The following THSD7B variants were observed in gnomAD, a reference collection of about 807,000 sequenced individuals.
The protein encoded by THSD7B is thrombospondin type-1 domain-containing protein 7B.
THSD7B carries 138 observed loss-of-function variants against 213.6 expected under a neutral mutation model. That is an observed-to-expected ratio of 0.65 (90% CI 0.56 to 0.74). The LOEUF (loss-of-function observed/expected upper bound fraction) is 0.74. THSD7B is among the 30% of genes least tolerant of loss of function. The pLI is 0.00. For synonymous variants in THSD7B, 742 were observed against 687.0 expected (o/e 1.08, Z -1.25); for missense variants, 1,931 against 1,991.5 (o/e 0.97, Z 0.58).
intron 10 of THSD7B, among the ~76,000 whole-genome samples, chr2:137,270,842 A>G (rs548921059): frequency 1.8e-4 from 27 of 152,314 alleles, no homozygotes; most frequent in African/African-American, 6.3e-4. Context: ...TTACTGCAGA[A>G]AGTCAATAGG....
At chr2:137,157,446 G>T (rs80078627) in intron 5 of THSD7B, among the ~76,000 whole-genome samples, 1,987 of 152,258 alleles carry the variant, frequency 0.013, 35 homozygotes, top group African/African-American at 0.046. Context: ...CAAAGCCGGG[G>T]CTGTTTTGGC....
intron 1 of THSD7B, among the ~76,000 whole-genome samples, chr2:136,802,388 A>G (rs1055905231): frequency 6.6e-6 from 1 of 151,820 alleles, no homozygotes; most frequent in Non-Finnish European, 1.5e-5. Flanking sequence ...GAGCCAGCAT[A>G]TTTTGGCCAA....
chr2:137,436,675 T>C (rs1286463739), intron 14 of THSD7B, among the ~76,000 whole-genome samples: 2 of 152,208 alleles, frequency 1.3e-5, no homozygotes, highest in Non-Finnish European at 2.9e-5. Context: ...TGTGCCACAG[T>C]ATGATTACTA....
intron 17 of THSD7B, among the ~76,000 whole-genome samples, chr2:137,575,338 CAT>C (rs1234223165): frequency 1.3e-5 from 2 of 152,044 alleles, no homozygotes; most frequent in Non-Finnish European, 2.9e-5. Context: ...GGGAGCAGTA[CAT>C]TTTTTAAGCT....
At position 136,859,766 on chromosome 2, in the gene THSD7B, G is replaced by C. The variant is rs188843172; in HGVS notation, c.-35-22378G>C. Among the ~76,000 whole-genome samples the C allele has an allele frequency of 3.7e-3, 563 of 152,296 alleles. 3 individuals carry two copies. The highest frequency in any genetic ancestry group is 0.013 in the African/African-American group (540 of 41,566). Reference sequence around the variant, plus strand: ...TAAGTTCTTTGGCATTTTTTAAAAAGAGAAGTAGTATAGCCCCAAAAGAGC... The same window carrying C: ...TAAGTTCTTTGGCATTTTTTAAAAACAGAAGTAGTATAGCCCCAAAAGAGC... On this transcript the variant is annotated intron_variant, in intron 1 of 27. Transcript: ENST00000409968.
At chr2:137,234,102 C>G (rs1421252860) in intron 9 of THSD7B, among the ~76,000 whole-genome samples, 1 of 152,172 alleles carries the variant, frequency 6.6e-6, no homozygotes, top group Non-Finnish European at 1.5e-5. Context: ...TTGCCACAGA[C>G]AGGGTCAAGT....
chr2:137,008,468 G>A (rs1686158708), intron 2 of THSD7B, among the ~76,000 whole-genome samples: 1 of 152,142 alleles, frequency 6.6e-6, no homozygotes, highest in Non-Finnish European at 1.5e-5. Flanking sequence ...TACCTGTTAG[G>A]AAAATTGAAT....
At chr2:137,333,326 T>A (rs1684557139) in intron 12 of THSD7B, among the ~76,000 whole-genome samples, 1 of 152,224 alleles carries the variant, frequency 6.6e-6, no homozygotes, top group Non-Finnish European at 1.5e-5. Flanking sequence ...AATGATCTCT[T>A]ATGTATGGAA....
intron 13 of THSD7B, among the ~76,000 whole-genome samples, chr2:137,410,049 G>T (rs1686617180): frequency 6.6e-6 from 1 of 152,096 alleles, no homozygotes. Flanking sequence ...TTTTATGGAA[G>T]TTTGAAAAAA....
chr2:137,643,646 T>C (rs1333195674), intron 21 of THSD7B, among the ~76,000 whole-genome samples: 3 of 152,230 alleles, frequency 2.0e-5, no homozygotes, highest in South Asian at 2.1e-4. Context: ...TTGTTTGGAC[T>C]CACTTACAAA....
chr2:137,321,674 T>C (rs1181675852), intron 12 of THSD7B, among the ~76,000 whole-genome samples: 3 of 152,226 alleles, frequency 2.0e-5, no homozygotes, highest in African/African-American at 7.2e-5. Context: ...CTGAAATATA[T>C]GCAAAGTGGT....
At chr2:137,308,336 A>G (rs1213086105) in intron 12 of THSD7B, among the ~76,000 whole-genome samples, 1 of 151,976 alleles carries the variant, frequency 6.6e-6, no homozygotes, top group Non-Finnish European at 1.5e-5. Flanking sequence ...AGACCAGCTT[A>G]TTGTCTGATT....
chr2:137,058,746 T>C (rs950683049), intron 3 of THSD7B, among the ~76,000 whole-genome samples: 3 of 152,210 alleles, frequency 2.0e-5, no homozygotes, highest in African/African-American at 7.2e-5. Flanking sequence ...TATGTCGTGA[T>C]GATGCAGTTC....
At chr2:137,030,412 G>A (rs1686643681) in intron 2 of THSD7B, among the ~76,000 whole-genome samples, 1 of 152,138 alleles carries the variant, frequency 6.6e-6, no homozygotes, top group South Asian at 2.1e-4. Context: ...GTAGGCACGA[G>A]TTTAGGCTGT....
intron 17 of THSD7B, among the ~76,000 whole-genome samples, chr2:137,580,968 T>C (rs756211144): frequency 1.3e-5 from 2 of 152,124 alleles, no homozygotes; most frequent in African/African-American, 2.4e-5. Flanking sequence ...ACCTTCAACA[T>C]TGGGGATTAC....
intron 12 of THSD7B, among the ~76,000 whole-genome samples, chr2:137,369,692 A>T (rs1238925949): frequency 1.3e-5 from 2 of 152,102 alleles, no homozygotes; most frequent in Non-Finnish European, 2.9e-5. Flanking sequence ...CTCATCTCTC[A>T]TTACAAGCAA....
intron 15 of THSD7B, among the ~76,000 whole-genome samples, chr2:137,463,379 T>TC (rs1276368859): frequency 6.6e-6 from 1 of 152,134 alleles, no homozygotes; most frequent in Non-Finnish European, 1.5e-5. Flanking sequence ...TACCATATTT[T>TC]AAAATCTTGT....
At position 137,620,629 on chromosome 2, in the gene THSD7B, G is replaced by A; in HGVS notation, c.3702G>A (p.Gln1234=). The change falls in exon 20 of 28, where the codon CAG becomes CAA. Residue 1234 remains glutamine (Q), a synonymous_variant. Transcript: ENST00000409968. ...QCEQHNLEKP[Q]RMSIPCLVEC... is the part of the protein sequence containing the mutation. ...TGCAGCATAATTTGGAGAAGCCCCA[G>A]AGAATGAGCATTCCCTGCTTGGTGG... 6.2e-7 allele frequency: 1 copy of A among 1,613,880 alleles called. No homozygotes were observed. Among genetic ancestry groups the A allele is most frequent in the Non-Finnish European group, 8.5e-7 (1 of 1,179,792 alleles).
At chr2:137,582,946 A>G (rs950791421) in intron 17 of THSD7B, among the ~76,000 whole-genome samples, 2 of 152,104 alleles carry the variant, frequency 1.3e-5, no homozygotes, top group Non-Finnish European at 2.9e-5. Flanking sequence ...ATTAGTTTAC[A>G]CTCCCACCAA....
Sources: gnomAD v4.1 joint callset for allele counts (sites outside exome capture counted in the v4.1 genomes callset) on GRCh38, gnomAD v4.1.1 for gene constraint, MANE v1.5 for transcripts, NCBI Gene and HGNC (gene_info 2026-07-23, HGNC 2026-07-21) for gene names.